The following CADM2 variants were observed in gnomAD, a reference collection of about 807,000 sequenced individuals.
CADM2 encodes cell adhesion molecule 2, also known as immunoglobulin superfamily member 4D.
CADM2 carries 12 observed loss-of-function variants against 49.8 expected under a neutral mutation model. The observed-to-expected ratio is 0.24, with a 90% CI of 0.15 to 0.39. The LOEUF is 0.39. CADM2 is among the 10% of genes least tolerant of loss of function. CADM2 has a pLI of 1.00. For missense variants in CADM2, 378 were observed against 492.3 expected (o/e 0.77, Z 2.20); for synonymous variants, 214 against 175.4 (o/e 1.22, Z -1.74).
At chr3:85,569,873 T>C (rs927626054) in intron 1 of CADM2, among the ~76,000 whole-genome samples, 2 of 152,130 alleles carry the variant, frequency 1.3e-5, no homozygotes, top group Admixed American at 6.5e-5. Context: ...GTCTTGTAAA[T>C]ACATTATTCA....
At chr3:85,783,143 C>G (rs2070759199) in intron 2 of CADM2, among the ~76,000 whole-genome samples, 1 of 152,106 alleles carries the variant, frequency 6.6e-6, no homozygotes, top group South Asian at 2.1e-4. Context: ...AGTTTTCTTA[C>G]TTCATATATT....
At chr3:85,046,802 A>G (rs1455743765) in intron 1 of CADM2, among the ~76,000 whole-genome samples, 2 of 152,104 alleles carry the variant, frequency 1.3e-5, no homozygotes, top group Non-Finnish European at 2.9e-5. Flanking sequence ...ATGAAAATAT[A>G]TATTTTTAAA....
chr3:85,682,659 A>G (rs975363636), intron 1 of CADM2, among the ~76,000 whole-genome samples: 2 of 151,982 alleles, frequency 1.3e-5, no homozygotes, highest in African/African-American at 4.8e-5. Context: ...AGAACACTAA[A>G]TTTTTCTAGT....
intron 1 of CADM2, among the ~76,000 whole-genome samples, chr3:85,114,531 G>T (rs1432807470): frequency 3.3e-5 from 5 of 152,194 alleles, no homozygotes; most frequent in African/African-American, 1.2e-4. Context: ...CATGGCTCTA[G>T]AAGTCTGTAG....
intron 1 of CADM2, among the ~76,000 whole-genome samples, chr3:85,035,262 C>A (rs1185764516): frequency 6.6e-6 from 1 of 151,836 alleles, no homozygotes; most frequent in Non-Finnish European, 1.5e-5. Flanking sequence ...TTTTTAAATC[C>A]GATTATTAGA....
At chr3:85,152,763 C>G (rs957867787) in intron 1 of CADM2, among the ~76,000 whole-genome samples, 1 of 151,980 alleles carries the variant, frequency 6.6e-6, no homozygotes, top group Non-Finnish European at 1.5e-5. Flanking sequence ...CGAGACCATC[C>G]TGGCTAACAC....
At chr3:85,619,354 GAAAA>G (rs201351464) in intron 1 of CADM2, among the ~76,000 whole-genome samples, 4 of 142,266 alleles carry the variant, frequency 2.8e-5, no homozygotes, top group Admixed American at 1.4e-4. Context: ...CTTTCAAAAA[GAAAA>G]AAAAAGGAAA....
intron 1 of CADM2, among the ~76,000 whole-genome samples, chr3:85,331,992 A>T (rs2044943746): frequency 6.6e-6 from 1 of 152,126 alleles, no homozygotes; most frequent in Admixed American, 6.6e-5. Flanking sequence ...AACACCTTTG[A>T]CAGTTTCTTA....
chr3:85,083,049 C>G (rs1454699550), intron 1 of CADM2, among the ~76,000 whole-genome samples: 1 of 152,084 alleles, frequency 6.6e-6, no homozygotes, highest in Non-Finnish European at 1.5e-5. Context: ...GTTTCCATAT[C>G]ATATGGATAT....
chr3:85,079,085 T>C (rs914024652), intron 1 of CADM2, among the ~76,000 whole-genome samples: 17 of 152,020 alleles, frequency 1.1e-4, no homozygotes, highest in African/African-American at 4.1e-4. Flanking sequence ...ATTAGATTTT[T>C]AGGTATAAAT....
chr3:85,096,578 G>A lies in CADM2; in HGVS notation c.61+136910G>A, dbSNP rs530397699. ...CTATAATTAACATATCAGAATATTC[G>A]TATATCTATAAAAGTATTAGTACAG... On this transcript the variant is annotated intron_variant, in intron 1 of 9. Coordinates refer to ENST00000383699, the MANE Select transcript of CADM2 (RefSeq NM_001167675.2). Among the ~76,000 whole-genome samples the A allele has an allele frequency of 8.2e-4, 124 of 151,674 alleles. 1 individual carries two copies. In the South Asian group the frequency reaches 0.011, roughly 13 times the overall value.
intron 8 of CADM2, among the ~76,000 whole-genome samples, chr3:85,964,287 A>C (rs898719745): frequency 6.6e-6 from 1 of 151,796 alleles, no homozygotes; most frequent in Admixed American, 6.6e-5. Context: ...GTGATAATTT[A>C]ATATAGCTCT....
intron 1 of CADM2, among the ~76,000 whole-genome samples, chr3:85,023,607 A>G (rs2034599895): frequency 6.6e-6 from 1 of 152,092 alleles, no homozygotes; most frequent in Non-Finnish European, 1.5e-5. Flanking sequence ...TATTCAAGCC[A>G]AGAATATGAA....
chr3:85,025,576 T>A (rs2034687710), intron 1 of CADM2, among the ~76,000 whole-genome samples: 1 of 152,182 alleles, frequency 6.6e-6, no homozygotes, highest in Non-Finnish European at 1.5e-5. Flanking sequence ...TACATGTCTG[T>A]TCCTGCTTGT....
intron 1 of CADM2, among the ~76,000 whole-genome samples, chr3:85,197,551 A>T (rs187049077): frequency 6.6e-6 from 1 of 152,002 alleles, no homozygotes; most frequent in African/African-American, 2.4e-5. Context: ...GCTTTTCTAA[A>T]ACCATACAGA....
chr3:85,801,189 G>T (rs1294342848), intron 2 of CADM2, among the ~76,000 whole-genome samples: 5 of 152,032 alleles, frequency 3.3e-5, no homozygotes, highest in Non-Finnish European at 7.4e-5. Context: ...CATAAATTTT[G>T]ATTAAACTAT....
At chr3:85,273,028 A>G (rs2043277781) in intron 1 of CADM2, among the ~76,000 whole-genome samples, 1 of 151,284 alleles carries the variant, frequency 6.6e-6, no homozygotes, top group African/African-American at 2.4e-5. Flanking sequence ...GAGCCTTATC[A>G]TTGCTAAGGC....
At chr3:85,389,182 A>G (rs2034397061) in intron 1 of CADM2, among the ~76,000 whole-genome samples, 1 of 152,090 alleles carries the variant, frequency 6.6e-6, no homozygotes, top group South Asian at 2.1e-4. Flanking sequence ...GTCACTCAAA[A>G]GTAGTTCTAG....
chr3:85,625,943 A>G (rs2064119516), intron 1 of CADM2, among the ~76,000 whole-genome samples: 2 of 152,042 alleles, frequency 1.3e-5, no homozygotes, highest in Admixed American at 1.3e-4. Flanking sequence ...ATTGTCGTTA[A>G]TTTTGGAAAA....
Sources: allele counts gnomAD v4.1 joint callset (sites outside exome capture counted in the v4.1 genomes callset), GRCh38; gene constraint gnomAD v4.1.1; transcripts MANE v1.5; gene names NCBI Gene and HGNC (gene_info 2026-07-23, HGNC 2026-07-21).